ARMC12: variants seen among roughly 807,000 people sequenced by gnomAD.
ARMC12 encodes armadillo repeat-containing protein 12.
A neutral mutation model predicts 37.4 loss-of-function variants in ARMC12; 25 were observed. That is an observed-to-expected ratio of 0.67 (90% CI 0.49 to 0.93). The LOEUF is 0.93. ARMC12 is among the 40% of genes least tolerant of loss of function. ARMC12 has a pLI of 0.00. For missense variants in ARMC12, 384 were observed against 426.6 expected, an observed-to-expected ratio of 0.90 and a Z score of 0.88; for synonymous variants, 167 against 176.1, an observed-to-expected ratio of 0.95 and a Z score of 0.41.
intron 3 of ARMC12, among the ~76,000 whole-genome samples, chr6:35,741,945 C>T (rs1441020577): frequency 6.6e-6 from 1 of 152,068 alleles, no homozygotes; most frequent in African/African-American, 2.4e-5. Flanking sequence ...GCAACCTCCA[C>T]CTCCAGGACT....
At chr6:35,742,225 G>A (rs921061488) in intron 3 of ARMC12, among the ~76,000 whole-genome samples, 5 of 151,752 alleles carry the variant, frequency 3.3e-5, no homozygotes, top group Non-Finnish European at 5.9e-5. Context: ...TTGGCTGGGC[G>A]CAGTGGTTCA....
chr6:35,743,408 G>A (rs1344015517), intron 3 of ARMC12, among the ~76,000 whole-genome samples: 1 of 152,056 alleles, frequency 6.6e-6, no homozygotes, highest in Non-Finnish European at 1.5e-5. Context: ...AGTGGAGATG[G>A]GGTTTCTCCA....
chr6:35,744,314 G>T (rs1767271715), intron 3 of ARMC12, among the ~76,000 whole-genome samples: 1 of 151,798 alleles, frequency 6.6e-6, no homozygotes, highest in Non-Finnish European at 1.5e-5. Context: ...GCTGATTTTT[G>T]TATTTTTAGT....
intron 1 of ARMC12, among the ~76,000 whole-genome samples, chr6:35,737,708 C>T (rs1026818150): frequency 6.6e-6 from 1 of 152,218 alleles, no homozygotes; most frequent in Non-Finnish European, 1.5e-5. Flanking sequence ...CTGCAAGACT[C>T]TTTATTGCCA....
At chr6:35,736,900 G>A, upstream of ARMC12, 1 of 689,484 alleles carries the variant, frequency 1.5e-6, no homozygotes, top group Non-Finnish European at 2.4e-6. Context: ...GTGGGCCATG[G>A]TGCCTGGCCC....
At chr6:35,740,526 C>G (rs1443023602) in intron 3 of ARMC12, among the ~76,000 whole-genome samples, 7 of 152,260 alleles carry the variant, frequency 4.6e-5, no homozygotes, top group Middle Eastern at 3.4e-3. Context: ...AAATTAAAAA[C>G]AAATAAAATA....
rs1006222616 is a variant in ARMC12, at chr6:35,740,904, T to G, written c.444+2386T>G. Among the ~76,000 whole-genome samples the G allele has an allele frequency of 3.3e-5, 5 of 150,268 alleles. No homozygotes were observed. In the South Asian group the frequency reaches 1.1e-3, roughly 32 times the overall value. ...CAGCTCTGCTTCCTTCTGGTTTTTT[T>G]TTTTTTTTTTTTTGAGACAGGGTCT... On this transcript the variant is annotated intron_variant, in intron 3 of 5. Coordinates refer to ENST00000373866, the MANE Select transcript of ARMC12 (RefSeq NM_001286574.2).
intron 3 of ARMC12, among the ~76,000 whole-genome samples, chr6:35,745,214 C>G (rs968314663): frequency 3.9e-4 from 59 of 152,298 alleles, no homozygotes; most frequent in African/African-American, 1.4e-3. Context: ...AAACTGGAAA[C>G]AACCAAAAAT....
At chr6:35,746,359 A>T (rs1767337501) in intron 3 of ARMC12, among the ~76,000 whole-genome samples, 1 of 152,162 alleles carries the variant, frequency 6.6e-6, no homozygotes. Context: ...TGTGATGGGA[A>T]CCTTGGTCAT....
upstream of ARMC12, among the ~76,000 whole-genome samples, chr6:35,736,505 T>C (rs1383325256): frequency 1.3e-5 from 2 of 152,230 alleles, no homozygotes; most frequent in Non-Finnish European, 2.9e-5. Flanking sequence ...AGCTACCTGC[T>C]GGGGTCCCCC....
intron 1 of ARMC12, 78 bp from the exon 2 acceptor site, chr6:35,737,949 C>T (rs555064216): frequency 1.3e-6 from 2 of 1,595,280 alleles, no homozygotes; most frequent in East Asian, 2.2e-5. Context: ...TCCCCAAGTC[C>T]CTGTCCCCTA....
chr6:35,748,523 C>A lies in ARMC12; in HGVS notation c.691-15C>A. 1 of 1,463,680 alleles carries A rather than the reference C, an allele frequency of 6.8e-7. No homozygotes were observed. The highest frequency in any genetic ancestry group is 9.1e-7 in the Non-Finnish European group (1 of 1,104,380). 90.7% of individuals were successfully genotyped at this position (1,463,680 alleles called of 1,614,324 possible). A position where few individuals can be genotyped will look rare whatever the true frequency, so the allele number is the denominator to read the frequency against. On this transcript the variant is annotated splice_polypyrimidine_tract_variant and intron_variant, in intron 5 of 5. Coordinates refer to ENST00000373866, the MANE Select transcript of ARMC12 (RefSeq NM_001286574.2). Reference sequence around the variant, plus strand: ...CTAGGAGTTTATTCCCATTCTTTCTCTATTCCCATCACAGGTTCACTCCAA... The same window carrying A: ...CTAGGAGTTTATTCCCATTCTTTCTATATTCCCATCACAGGTTCACTCCAA...
In ARMC12 at chr6:35,737,186, G is replaced by T. The variant is rs1338159525; in HGVS notation, c.78G>T (p.Gly26=). ...TAGTCAGCCTGGCCACAGGCGCCGG[G>T]GCGATCTACCTGCTCTACAAGGCCA... is the stretch of plus-strand genomic sequence containing the variant. ...KSVVSLATGA[G]AIYLLYKAIK... Residue 26 remains glycine, a synonymous_variant, in exon 1 of 6, where the codon GGG becomes GGT. Coordinates refer to ENST00000373866, the MANE Select transcript of ARMC12 (RefSeq NM_001286574.2). 13 of 1,614,106 alleles carry T rather than the reference G, an allele frequency of 8.1e-6. No individual in the cohort carries two copies. The highest frequency in any genetic ancestry group is 1.1e-5 in the Non-Finnish European group (13 of 1,180,052).
At chr6:35,732,219 G>T (rs1046884307), upstream of ARMC12, among the ~76,000 whole-genome samples, 7 of 152,174 alleles carry the variant, frequency 4.6e-5, no homozygotes, top group Non-Finnish European at 1.0e-4. Flanking sequence ...CTGGTTCCTG[G>T]GCAGGAGTAA....
rs546063944 is a variant in ARMC12 at position 35,737,465 on chromosome 6, G to A, written c.163+194G>A. ...CAGAGATGCTAGCTCAGGGTCCCTGGATCTCACTCAAGTGGATCCTCAGAC... is the reference window on the plus strand; with the variant it reads ...CAGAGATGCTAGCTCAGGGTCCCTGAATCTCACTCAAGTGGATCCTCAGAC... On this transcript the variant is annotated intron_variant, in intron 1 of 5. Transcript: ENST00000373866. 5 of 1,499,964 alleles carry A rather than the reference G, an allele frequency of 3.3e-6. No individual in the cohort carries two copies. The South Asian group carries it at 6.2e-5, about 19-fold the overall frequency. 92.9% of individuals were successfully genotyped at this position (1,499,964 alleles called of 1,614,324 possible).
chr6:35,741,876 T>C (rs1051176257), intron 3 of ARMC12, among the ~76,000 whole-genome samples: 1 of 152,072 alleles, frequency 6.6e-6, no homozygotes, highest in Non-Finnish European at 1.5e-5. Flanking sequence ...TAGAGAGATC[T>C]CTGCTTGCTG....
intron 1 of ARMC12, 66 bp downstream of exon 1, chr6:35,737,337 G>A (rs1263606559): frequency 1.9e-6 from 3 of 1,614,066 alleles, no homozygotes; most frequent in Non-Finnish European, 2.5e-6. Flanking sequence ...GGCCTCTGCT[G>A]TGGGAGGGCC....
intron 3 of ARMC12, among the ~76,000 whole-genome samples, chr6:35,743,216 CTTTTT>C (rs35053737): frequency 7.1e-6 from 1 of 140,044 alleles, no homozygotes; most frequent in Non-Finnish European, 1.6e-5. Context: ...AAGCATCTTA[CTTTTT>C]TTTTTTTTTT....
chr6:35,735,605 G>A (rs116307714), upstream of ARMC12, among the ~76,000 whole-genome samples: 1,513 of 152,350 alleles, frequency 9.9e-3, 13 homozygotes, highest in African/African-American at 0.024. This position sits in a 1 kb window ranked among gnomAD's most constrained non-coding sequence, Gnocchi z 4.0. Context: ...AGGGATCAGG[G>A]CCAGGTAGGT....
Sources: gnomAD v4.1 joint callset for allele counts (sites outside exome capture counted in the v4.1 genomes callset) on GRCh38, gnomAD v4.1.1 for gene constraint, Gnocchi (gnomAD v3.1) non-coding constraint, MANE v1.5 for transcripts, NCBI Gene and HGNC (gene_info 2026-07-23, HGNC 2026-07-21) for gene names.